CSMD1: variants seen among roughly 807,000 people sequenced by gnomAD.
CSMD1 encodes the protein CUB and Sushi multiple domains 1.
In CSMD1, 213 loss-of-function variants were observed where a neutral mutation model predicts 417.5. The observed-to-expected ratio is 0.51, with a 90% confidence interval of 0.46 to 0.57. CSMD1 has a LOEUF of 0.57. CSMD1 is among the 20% of genes least tolerant of loss of function. CSMD1 has a pLI of 0.00. For missense variants in CSMD1, 6,923 were observed against 4,529.7 expected (o/e 1.53, Z -15.17); for synonymous variants, 2,862 against 1,736.8 (o/e 1.65, Z -16.11).
intron 2 of CSMD1, among the ~76,000 whole-genome samples, chr8:4,546,006 T>C (rs1017330506): frequency 6.6e-6 from 1 of 152,122 alleles, no homozygotes; most frequent in African/African-American, 2.4e-5. Context: ...CTGCATTCCA[T>C]CCACAGCTGC....
At chr8:4,817,232 C>A (rs1385477934) in intron 1 of CSMD1, among the ~76,000 whole-genome samples, 1 of 152,120 alleles carries the variant, frequency 6.6e-6, no homozygotes, top group African/African-American at 2.4e-5. Flanking sequence ...CCTAGATTTG[C>A]AGTTAGTGAA....
intron 27 of CSMD1, among the ~76,000 whole-genome samples, chr8:3,224,990 A>T (rs141847117): frequency 1.3e-5 from 2 of 152,222 alleles, no homozygotes; most frequent in Non-Finnish European, 2.9e-5. Context: ...ATAGTATTCC[A>T]CTTAAATTAT....
intron 1 of CSMD1, among the ~76,000 whole-genome samples, chr8:4,703,869 G>T (rs1033127659): frequency 2.6e-5 from 4 of 152,176 alleles, no homozygotes; most frequent in African/African-American, 9.7e-5. Flanking sequence ...TCCATGGACA[G>T]CAGGGTTGGG....
intron 10 of CSMD1, among the ~76,000 whole-genome samples, chr8:3,522,064 A>G (rs573014592): frequency 6.6e-6 from 1 of 152,306 alleles, no homozygotes; most frequent in Non-Finnish European, 1.5e-5. Context: ...TTTTCTCCTT[A>G]TAGATATTTG....
At chr8:4,562,095 C>T (rs1798369084) in intron 2 of CSMD1, among the ~76,000 whole-genome samples, 1 of 152,158 alleles carries the variant, frequency 6.6e-6, no homozygotes, top group South Asian at 2.1e-4. Flanking sequence ...GAAATATGTT[C>T]CCTGATAGAG....
At position 4,294,736 on chromosome 8, in the gene CSMD1, A is replaced by G. The variant is rs73500701; in HGVS notation, c.415+125217T>C. 1.3e-3 allele frequency among the ~76,000 whole-genome samples: 192 copies of G among 152,020 alleles called. 1 individual carries two copies. Among genetic ancestry groups the G allele is most frequent in the African/African-American group, 4.4e-3 (183 of 41,484 alleles). On this transcript the variant is annotated intron_variant, in intron 3 of 69. Transcript: ENST00000635120. ...TTCTCATATAATCTATTTTTTTCTTACTGTAATTAGATGACTTTCTAAATT... is the reference window on the plus strand; with the variant it reads ...TTCTCATATAATCTATTTTTTTCTTGCTGTAATTAGATGACTTTCTAAATT...
At chr8:4,653,138 G>C (rs1183927397) in intron 1 of CSMD1, among the ~76,000 whole-genome samples, 2 of 152,040 alleles carry the variant, frequency 1.3e-5, no homozygotes, top group African/African-American at 4.8e-5. Flanking sequence ...AGCCCATTTA[G>C]TAGAAATTTC....
chr8:3,419,816 T>C (rs533876209), intron 12 of CSMD1, among the ~76,000 whole-genome samples: 1 of 152,328 alleles, frequency 6.6e-6, no homozygotes, highest in East Asian at 1.9e-4. Context: ...ATTGCTTTAT[T>C]TTCCTGCTAC....
intron 20 of CSMD1, 121 bp from the exon 21 acceptor site, chr8:3,359,461 C>G (rs1809012699): frequency 2.7e-6 from 2 of 735,838 alleles, no homozygotes; most frequent in South Asian, 4.4e-5. Flanking sequence ...ATATATTTTC[C>G]CCAAACACTT....
intron 5 of CSMD1, among the ~76,000 whole-genome samples, chr8:3,821,779 C>G (rs1162991936): frequency 3.3e-5 from 5 of 151,940 alleles, no homozygotes. Flanking sequence ...GAGACTCTGT[C>G]TCAAAAAAAC....
chr8:4,450,763 A>G (rs923872410), intron 2 of CSMD1, among the ~76,000 whole-genome samples: 4 of 152,210 alleles, frequency 2.6e-5, no homozygotes, highest in African/African-American at 7.2e-5. Flanking sequence ...TCTCTTCACA[A>G]ATTGAAAGCA....
At chr8:3,532,743 T>C (rs574284086) in intron 10 of CSMD1, among the ~76,000 whole-genome samples, 2 of 152,236 alleles carry the variant, frequency 1.3e-5, no homozygotes, top group Non-Finnish European at 2.9e-5. Flanking sequence ...TCATATCTAT[T>C]GATCAATATA....
At chr8:4,547,767 G>T (rs1404372985) in intron 2 of CSMD1, among the ~76,000 whole-genome samples, 1 of 152,170 alleles carries the variant, frequency 6.6e-6, no homozygotes, top group Non-Finnish European at 1.5e-5. Flanking sequence ...GAAAACTCTT[G>T]TACCCTGGAA....
chr8:3,214,494 C>G lies in CSMD1; in HGVS notation c.4867+3G>C. On this transcript the variant is annotated splice_donor_region_variant and intron_variant, in intron 30 of 69. Transcript: ENST00000635120. ...TCTAGAAAATACCCAAGCGTGCACT[C>G]ACCATTGCAGGAGGGCAGCACTTGG... 3.2e-6 allele frequency: 5 copies of G among 1,583,810 alleles called. No individual in the cohort carries two copies. Among genetic ancestry groups the G allele is most frequent in the Non-Finnish European group, 4.3e-6 (5 of 1,165,610 alleles).
At chr8:4,169,891 A>G (rs894634722) in intron 3 of CSMD1, among the ~76,000 whole-genome samples, 5 of 151,936 alleles carry the variant, frequency 3.3e-5, no homozygotes, top group African/African-American at 9.7e-5. Flanking sequence ...TCTGTTTTCT[A>G]TGAGTACCTG....
At chr8:3,382,897 A>G (rs568721110) in intron 18 of CSMD1, among the ~76,000 whole-genome samples, 3 of 152,236 alleles carry the variant, frequency 2.0e-5, no homozygotes, top group Admixed American at 6.6e-5. Context: ...GTTTTCCAAG[A>G]TTTAAAAACT....
intron 48 of CSMD1, among the ~76,000 whole-genome samples, chr8:3,088,572 C>T (rs1472308603): frequency 6.6e-6 from 1 of 152,056 alleles, no homozygotes; most frequent in Admixed American, 6.6e-5. Flanking sequence ...AACCATGTTC[C>T]TACGAGAAGT....
At chr8:4,006,297 C>T (rs2130398985) in intron 4 of CSMD1, among the ~76,000 whole-genome samples, 1 of 152,246 alleles carries the variant, frequency 6.6e-6, no homozygotes, top group African/African-American at 2.4e-5. Context: ...AAATGAAAAG[C>T]ATTTGGGAGG....
chr8:4,107,938 C>T (rs530120356), intron 3 of CSMD1, among the ~76,000 whole-genome samples: 2 of 152,186 alleles, frequency 1.3e-5, no homozygotes, highest in East Asian at 3.9e-4. Context: ...GTTTTGCCCC[C>T]TACGGACTGA....
Sources: gnomAD v4.1 joint callset for allele counts (sites outside exome capture counted in the v4.1 genomes callset) on GRCh38, gnomAD v4.1.1 for gene constraint, MANE v1.5 for transcripts, NCBI Gene and HGNC (gene_info 2026-07-23, HGNC 2026-07-21) for gene names.